Variants in ZNF654 observed in about 807,000 individuals in gnomAD.
ZNF654 encodes zinc finger protein 654, also known as melanoma-associated antigen.
A neutral mutation model predicts 95.3 loss-of-function variants in ZNF654; 19 were observed. That is an observed-to-expected ratio of 0.20 (90% CI 0.14 to 0.29). The LOEUF (loss-of-function observed/expected upper bound fraction) is 0.29, where lower values mean the gene tolerates loss of function less well. ZNF654 is among the 10% of genes least tolerant of loss of function. The probability of loss-of-function intolerance (pLI) is 1.00; values close to 1 mark genes in which losing one functional copy is unlikely to be tolerated. For missense variants in ZNF654, 1,046 were observed against 1,341.0 expected (o/e 0.78, Z 3.44); for synonymous variants, 413 against 457.9 (o/e 0.90, Z 1.25).
intron 2 of ZNF654, among the ~76,000 whole-genome samples, chr3:88,110,391 A>G (rs1029355208): frequency 2.6e-5 from 4 of 152,146 alleles, no homozygotes; most frequent in South Asian, 2.1e-4. Context: ...TGTAGTCAAT[A>G]TGTAAATAAA....
chr3:88,127,677 G>T (rs570091733), intron 4 of ZNF654, among the ~76,000 whole-genome samples: 2 of 152,128 alleles, frequency 1.3e-5, no homozygotes, highest in Non-Finnish European at 2.9e-5. Context: ...GGCTTCACTC[G>T]TAGGATCTAG....
At position 88,126,153 on chromosome 3, in the gene ZNF654, G is replaced by A. The variant is rs1449776038; in HGVS notation, c.434G>A (p.Arg145His). The A allele has an allele frequency of 3.3e-6, 5 of 1,516,124 alleles. No individual in the cohort carries two copies. Among genetic ancestry groups the A allele is most frequent in the Non-Finnish European group, 4.4e-6 (5 of 1,134,930 alleles). The allele number at this position is 1,516,124 out of a possible 1,614,324, so 93.9% of individuals were successfully genotyped here. A position where few individuals can be genotyped will look rare whatever the true frequency, so the allele number is the denominator to read the frequency against. The change falls in exon 4 of 9, where the codon CGC (arginine) becomes CAC (histidine). Residue 145 changes from arginine to histidine, a missense_variant. Around this residue, in one of 9 missense-constraint regions of ZNF654, gnomAD observed 91 missense variants for 190.5 expected, o/e 0.48. Coordinates refer to ENST00000636215, the MANE Select transcript of ZNF654 (RefSeq NM_001350134.2). ...GSFQECQNHL[R>H]RYGNVNLELV... ...TCCTAGGAATGCCAGAATCACCTCC[G>A]CAGATATGGAAATGTGAATCTGGAA...
chr3:88,107,473 A>G (rs1286690000), intron 2 of ZNF654, among the ~76,000 whole-genome samples: 4 of 152,134 alleles, frequency 2.6e-5, no homozygotes, highest in Admixed American at 2.6e-4. Context: ...AGCTAGATGT[A>G]TAATTGTTTT....
At chr3:88,138,110 C>T (rs919192607) in intron 7 of ZNF654, among the ~76,000 whole-genome samples, 1 of 152,096 alleles carries the variant, frequency 6.6e-6, no homozygotes, top group Non-Finnish European at 1.5e-5. Context: ...GCTCATTATT[C>T]TGAGGCTTAT....
chr3:88,108,088 C>T (rs1303211619), intron 2 of ZNF654, among the ~76,000 whole-genome samples: 3 of 151,854 alleles, frequency 2.0e-5, no homozygotes, highest in Non-Finnish European at 2.9e-5. Flanking sequence ...TGTCAGGTGC[C>T]TGGAGATATT....
intron 7 of ZNF654, among the ~76,000 whole-genome samples, chr3:88,136,314 A>C (rs1399321727): frequency 6.6e-6 from 1 of 152,182 alleles, no homozygotes; most frequent in Non-Finnish European, 1.5e-5. Flanking sequence ...ATGTGGGGTA[A>C]ACCTGCAAAT....
intron 1 of ZNF654, among the ~76,000 whole-genome samples, chr3:88,085,989 G>T (rs1184980483): frequency 6.6e-6 from 1 of 152,068 alleles, no homozygotes; most frequent in Non-Finnish European, 1.5e-5. Flanking sequence ...GAGGTAAAGG[G>T]CATTAGTTAA....
intron 7 of ZNF654, among the ~76,000 whole-genome samples, chr3:88,138,344 C>T (rs373729066): frequency 1.3e-4 from 20 of 152,088 alleles, no homozygotes; most frequent in African/African-American, 4.6e-4. Flanking sequence ...ACCCTTCTCT[C>T]AAAGAATATG....
intron 1 of ZNF654, among the ~76,000 whole-genome samples, chr3:88,081,991 T>A (rs1396158312): frequency 6.6e-6 from 1 of 152,232 alleles, no homozygotes; most frequent in Non-Finnish European, 1.5e-5. Flanking sequence ...TTTAGGTATT[T>A]AGAAAATTAG....
At chr3:88,119,246 G>A (rs1275944863) in intron 3 of ZNF654, among the ~76,000 whole-genome samples, 8 of 148,576 alleles carry the variant, frequency 5.4e-5, no homozygotes, top group Non-Finnish European at 1.0e-4. Flanking sequence ...GGACATGGAT[G>A]AAATTGGAAA....
intron 6 of ZNF654, among the ~76,000 whole-genome samples, chr3:88,134,375 T>C (rs1244295603): frequency 6.6e-6 from 1 of 152,114 alleles, no homozygotes; most frequent in Non-Finnish European, 1.5e-5. Flanking sequence ...TGTACACTTT[T>C]ATGACATGTT....
At chr3:88,075,955 T>C (rs1305985480) in intron 1 of ZNF654, among the ~76,000 whole-genome samples, 1 of 152,224 alleles carries the variant, frequency 6.6e-6, no homozygotes, top group South Asian at 2.1e-4. Context: ...TAACTTTGTT[T>C]CTCTTCAGCA....
chr3:88,067,231 A>G (rs1309076899), intron 1 of ZNF654, among the ~76,000 whole-genome samples: 1 of 152,240 alleles, frequency 6.6e-6, no homozygotes, highest in African/African-American at 2.4e-5. Context: ...ACGCAATACT[A>G]TAAATGGGAA....
At chr3:88,135,800 C>T (rs1252119712) in intron 7 of ZNF654, among the ~76,000 whole-genome samples, 1 of 152,000 alleles carries the variant, frequency 6.6e-6, no homozygotes, top group East Asian at 1.9e-4. Context: ...AGTTTTTCCC[C>T]CAAAATATCA....
intron 3 of ZNF654, among the ~76,000 whole-genome samples, chr3:88,114,513 A>G (rs1036265521): frequency 6.6e-6 from 1 of 152,118 alleles, no homozygotes; most frequent in Non-Finnish European, 1.5e-5. Context: ...ATACTTTTCT[A>G]TCTCCTGCTC....
intron 2 of ZNF654, among the ~76,000 whole-genome samples, chr3:88,087,338 G>A (rs1360460319): frequency 1.3e-5 from 2 of 152,192 alleles, no homozygotes; most frequent in African/African-American, 4.8e-5. Context: ...GCCTTCCAAA[G>A]TGCTGGGATT....
At chr3:88,087,545 C>A (rs530611132) in intron 2 of ZNF654, among the ~76,000 whole-genome samples, 1 of 152,108 alleles carries the variant, frequency 6.6e-6, no homozygotes, top group Non-Finnish European at 1.5e-5. Flanking sequence ...AGTGAATGAA[C>A]GATTTCTACA....
chr3:88,077,523 G>GA (rs1238671968), intron 1 of ZNF654, among the ~76,000 whole-genome samples: 1 of 151,784 alleles, frequency 6.6e-6, no homozygotes, highest in Non-Finnish European at 1.5e-5. Flanking sequence ...TTTTAGTAGA[G>GA]ACGGGGTTTC....
chr3:88,107,315 A>G lies in ZNF654; in HGVS notation c.333-5800A>G, dbSNP rs1214496219. 3.3e-5 allele frequency among the ~76,000 whole-genome samples: 5 copies of G among 152,268 alleles called. No homozygotes were observed. In the East Asian group the frequency reaches 9.6e-4, roughly 29 times the overall value. On this transcript the variant is annotated intron_variant, in intron 2 of 8. Transcript: ENST00000636215. Reference sequence around the variant, plus strand: ...TGAGATTATTTTTATTAGTACTTCAAATTGTCAAAATTCGTTAGCCTATAT... The same window carrying G: ...TGAGATTATTTTTATTAGTACTTCAGATTGTCAAAATTCGTTAGCCTATAT...
Sources: gnomAD v4.1 joint callset for allele counts (sites outside exome capture counted in the v4.1 genomes callset) on GRCh38, gnomAD v4.1.1 for gene constraint, gnomAD v4.1.1 regional missense constraint, MANE v1.5 for transcripts, NCBI Gene and HGNC (gene_info 2026-07-23, HGNC 2026-07-21) for gene names.